Variants in PRKAR2B observed in about 807,000 individuals in gnomAD.
PRKAR2B encodes cAMP-dependent protein kinase type II-beta regulatory subunit.
Under a neutral mutation model 49.9 loss-of-function variants are expected in PRKAR2B, and 14 were observed. That is an observed-to-expected ratio of 0.28 (90% CI 0.19 to 0.44). The LOEUF (loss-of-function observed/expected upper bound fraction) is 0.44, where lower values mean the gene tolerates loss of function less well. PRKAR2B is among the 20% of genes least tolerant of loss of function. The pLI is 1.00. For missense variants in PRKAR2B, 393 were observed against 537.9 expected, an observed-to-expected ratio of 0.73 and a Z score of 2.67; for synonymous variants, 196 against 197.7, an observed-to-expected ratio of 0.99 and a Z score of 0.07.
chr7:107,148,518 T>G (rs1352373044), intron 6 of PRKAR2B, among the ~76,000 whole-genome samples: 1 of 152,238 alleles, frequency 6.6e-6, no homozygotes, highest in Non-Finnish European at 1.5e-5. Flanking sequence ...TTTATAAAAA[T>G]GGGCAGTTTG....
chr7:107,046,572 A>G (rs1246838523), intron 1 of PRKAR2B, among the ~76,000 whole-genome samples: 1 of 152,242 alleles, frequency 6.6e-6, no homozygotes, highest in Non-Finnish European at 1.5e-5. Flanking sequence ...ATGTTTCCCC[A>G]AGAGGATAAA....
At chr7:107,104,495 A>T (rs938387605) in intron 2 of PRKAR2B, among the ~76,000 whole-genome samples, 2 of 152,126 alleles carry the variant, frequency 1.3e-5, no homozygotes, top group African/African-American at 2.4e-5. Flanking sequence ...TTGGGGGGGT[A>T]TACTCAATAC....
intron 4 of PRKAR2B, chr7:107,129,164 A>G (rs1056096979): frequency 6.6e-6 from 1 of 152,200 alleles, no homozygotes; most frequent in Non-Finnish European, 1.5e-5. Flanking sequence ...ATAAAGATTC[A>G]TGTACTGCAT....
Position 107,132,790 on chromosome 7 carries a change from C to T in PRKAR2B, c.480+4495C>T, listed in dbSNP as rs117976655. Reference sequence around the variant, plus strand: ...TGTCTACTATTTCATTTGAATTTCCCGAAGTCATTATTTAGCTTGAAAATC... The same window carrying T: ...TGTCTACTATTTCATTTGAATTTCCTGAAGTCATTATTTAGCTTGAAAATC... On this transcript the variant is annotated intron_variant, in intron 4 of 10. Transcript: ENST00000265717. Among the ~76,000 whole-genome samples, 1,071 of 152,074 alleles carry T rather than the reference C, an allele frequency of 7.0e-3. 8 individuals carry two copies. The highest frequency in any genetic ancestry group is 0.011 in the Non-Finnish European group (756 of 67,984).
chr7:107,053,684 A>G (rs1793853892), intron 1 of PRKAR2B, among the ~76,000 whole-genome samples: 1 of 152,110 alleles, frequency 6.6e-6, no homozygotes. Context: ...TGAAGGGGAA[A>G]ATCCAGGCTT....
intron 1 of PRKAR2B, among the ~76,000 whole-genome samples, chr7:107,050,078 C>T (rs911062200): frequency 3.3e-5 from 5 of 152,066 alleles, no homozygotes; most frequent in Admixed American, 6.6e-5. Context: ...AACCAAAAAA[C>T]CCCTTCTCTT....
At chr7:107,096,671 C>T (rs879229438) in intron 2 of PRKAR2B, among the ~76,000 whole-genome samples, 1 of 152,204 alleles carries the variant, frequency 6.6e-6, no homozygotes, top group Non-Finnish European at 1.5e-5. Context: ...TCCCTCTACA[C>T]ACTGCTTTAA....
intron 1 of PRKAR2B, among the ~76,000 whole-genome samples, chr7:107,065,352 G>A (rs543615711): frequency 4.0e-4 from 60 of 151,106 alleles, no homozygotes; most frequent in South Asian, 1.3e-3. Flanking sequence ...GTGTGTGTGT[G>A]TGTGTGTGTG....
chr7:107,080,996 A>G (rs1794504702), intron 2 of PRKAR2B, among the ~76,000 whole-genome samples: 1 of 152,240 alleles, frequency 6.6e-6, no homozygotes, highest in African/African-American at 2.4e-5. Flanking sequence ...AGCTTTTAGC[A>G]TAGTGTCTGA....
Position 107,133,555 on chromosome 7 carries a change from C to T in PRKAR2B, c.480+5260C>T, listed in dbSNP as rs570786187. ...TGAACTCATTTGGGTAGAATGGTCC[C>T]TGTGGGGCCAATTAGCACTACATCA... On this transcript the variant is annotated intron_variant, in intron 4 of 10. Coordinates refer to ENST00000265717, the MANE Select transcript of PRKAR2B (RefSeq NM_002736.3). The T allele has an allele frequency of 2.0e-5, 3 of 152,230 alleles. No individual in the cohort carries two copies. In the South Asian group the frequency reaches 6.2e-4, roughly 32 times the overall value. 9.4% of individuals were successfully genotyped at this position (152,230 alleles called of 1,614,324 possible).
At chr7:107,140,700 C>A in intron 4 of PRKAR2B, 147 bp from the exon 5 acceptor site, 1 of 511,176 alleles carries the variant, frequency 2.0e-6, no homozygotes, top group East Asian at 3.3e-5. Flanking sequence ...GTAAGAAAGA[C>A]TACTATGTAT....
intron 4 of PRKAR2B, among the ~76,000 whole-genome samples, chr7:107,130,452 C>T (rs1239455316): frequency 6.6e-6 from 1 of 151,990 alleles, no homozygotes; most frequent in Non-Finnish European, 1.5e-5. Flanking sequence ...TTGCAGTGAC[C>T]TGAGATCACA....
At chr7:107,157,535 G>A (rs1337277048) in intron 10 of PRKAR2B, among the ~76,000 whole-genome samples, 2 of 152,104 alleles carry the variant, frequency 1.3e-5, no homozygotes, top group Non-Finnish European at 2.9e-5. Context: ...TGCTCTTCTT[G>A]TGTATATATG....
chr7:107,045,159 C>A lies in PRKAR2B; in HGVS notation c.252C>A (p.Asp84Glu). Residue 84 changes from aspartate to glutamate, a missense_variant, in exon 1 of 11, where the codon GAC (aspartate) becomes GAA (glutamate). Asp to Glu is a conservative substitution (Grantham distance 45). Around this residue, in one of 2 missense-constraint regions of PRKAR2B, gnomAD observed 160 missense variants for 147.6 expected, o/e 1.08. Transcript: ENST00000265717. The stretch of plus-strand genomic sequence containing the variant: ...TCGCCGAGGAGCCCATGCAGTCCGA[C>A]TCCGAGGACGGGGAGGAGGAGGAGG... ...VNFAEEPMQS[D>E]SEDGEEEEAA... 1 of 1,490,410 alleles carries A rather than the reference C, an allele frequency of 6.7e-7. No homozygotes were observed. The highest frequency in any genetic ancestry group is 1.3e-5 in the South Asian group (1 of 79,502). The allele number at this position is 1,490,410 out of a possible 1,614,324, so 92.3% of individuals were successfully genotyped here.
At chr7:107,056,228 A>G (rs1237174444) in intron 1 of PRKAR2B, among the ~76,000 whole-genome samples, 2 of 152,150 alleles carry the variant, frequency 1.3e-5, no homozygotes, top group South Asian at 2.1e-4. Flanking sequence ...GCCTTGTAGT[A>G]TAGTTTGAAG....
At chr7:107,105,580 G>A (rs1367886729) in intron 2 of PRKAR2B, among the ~76,000 whole-genome samples, 1 of 152,186 alleles carries the variant, frequency 6.6e-6, no homozygotes, top group Non-Finnish European at 1.5e-5. Flanking sequence ...ATCCTTGCCT[G>A]CTACATCAAG....
chr7:107,080,266 G>GATCT (rs1441935717), intron 2 of PRKAR2B, among the ~76,000 whole-genome samples: 1 of 152,146 alleles, frequency 6.6e-6, no homozygotes, highest in Non-Finnish European at 1.5e-5. Flanking sequence ...CTGTGTGCAG[G>GATCT]AAGTGGTACC....
intron 2 of PRKAR2B, among the ~76,000 whole-genome samples, chr7:107,115,417 C>T (rs919313185): frequency 2.6e-5 from 4 of 152,028 alleles, no homozygotes; most frequent in Non-Finnish European, 4.4e-5. Context: ...ATTTATATTG[C>T]GTTTTTTATA....
intron 2 of PRKAR2B, among the ~76,000 whole-genome samples, chr7:107,085,964 G>A (rs1286654169): frequency 1.3e-5 from 2 of 152,138 alleles, no homozygotes; most frequent in Non-Finnish European, 2.9e-5. Flanking sequence ...ATTTGTATAG[G>A]CATTGTCAAA....
Sources: allele counts gnomAD v4.1 joint callset (sites outside exome capture counted in the v4.1 genomes callset), GRCh38; gene constraint gnomAD v4.1.1; regional missense constraint gnomAD v4.1.1; transcripts MANE v1.5; gene names NCBI Gene and HGNC (gene_info 2026-07-23, HGNC 2026-07-21).